EPM2A: variants seen among roughly 807,000 people sequenced by gnomAD.
EPM2A encodes the protein EPM2A glucan phosphatase, laforin.
A neutral mutation model predicts 26.5 loss-of-function variants in EPM2A; 21 were observed. That is an observed-to-expected ratio of 0.79 (90% CI 0.56 to 1.14). EPM2A has a LOEUF of 1.14. EPM2A is among the 50% of genes most tolerant of loss of function. The probability of loss-of-function intolerance (pLI) is 0.00; values close to 1 mark genes in which losing one functional copy is unlikely to be tolerated. For missense variants in EPM2A, 458 were observed against 440.8 expected, an observed-to-expected ratio of 1.04 and a Z score of -0.35; for synonymous variants, 217 against 177.6, an observed-to-expected ratio of 1.22 and a Z score of -1.76.
intron 2 of EPM2A, among the ~76,000 whole-genome samples, chr6:145,521,410 A>G (rs570026862): frequency 6.6e-6 from 1 of 152,356 alleles, no homozygotes; most frequent in African/African-American, 2.4e-5. Flanking sequence ...TGAAAGTCCA[A>G]ATTGAAATCC....
rs570102949 is a variant in EPM2A, at chr6:145,443,119, C to T, written c.556-59022G>A. Among the ~76,000 whole-genome samples, 7 of 152,266 alleles carry T rather than the reference C, an allele frequency of 4.6e-5. No individual in the cohort carries two copies. In the South Asian group the frequency reaches 8.3e-4, roughly 18 times the overall value. ...ATCTCCTGACCTTGTGATCCACCTG[C>T]CTCGGCCTCCCAAAGTGCTGTAATT... On this transcript the variant is annotated intron_variant, in intron 4 of 4. Transcript: ENST00000638717.
At chr6:145,683,499 G>A (rs1780704488) in intron 2 of EPM2A, among the ~76,000 whole-genome samples, 1 of 151,818 alleles carries the variant, frequency 6.6e-6, no homozygotes, top group East Asian at 1.9e-4. Context: ...ATAGAGACTT[G>A]GATGTAAAAC....
chr6:145,683,313 G>GTGTGTGTGTGTGTGTA (rs1178628366), intron 2 of EPM2A, among the ~76,000 whole-genome samples: 181 of 147,412 alleles, frequency 1.2e-3, no homozygotes, highest in South Asian at 1.9e-3. Flanking sequence ...GTGTGAGTGT[G>GTGTGTGTGTGTGTGTA]TATATATTAG....
At chr6:145,388,430 T>C (rs1266360862) in intron 4 of EPM2A, among the ~76,000 whole-genome samples, 2 of 152,212 alleles carry the variant, frequency 1.3e-5, no homozygotes, top group African/African-American at 2.4e-5. Context: ...CATCTTTGCA[T>C]TGGTTGTTCT....
chr6:145,686,384 A>C, intron 1 of EPM2A, 88 bp from the exon 2 acceptor site: 1 of 1,038,212 alleles, frequency 9.6e-7, no homozygotes, highest in East Asian at 2.5e-5. Context: ...ATTAATAGCA[A>C]GAAAAAAATA....
At chr6:145,488,828 C>T (rs568914217) in intron 4 of EPM2A, among the ~76,000 whole-genome samples, 31 of 152,208 alleles carry the variant, frequency 2.0e-4, no homozygotes, top group African/African-American at 7.2e-4. Flanking sequence ...AAGTTTACCA[C>T]AGAGGTAAAT....
intron 4 of EPM2A, among the ~76,000 whole-genome samples, chr6:145,437,443 A>G (rs988108763): frequency 5.9e-5 from 9 of 152,204 alleles, no homozygotes. Flanking sequence ...TTCCCCAAAT[A>G]GTAAAATAAA....
At chr6:145,641,132 T>C (rs1489925165) in intron 2 of EPM2A, 1 of 152,214 alleles carries the variant, frequency 6.6e-6, no homozygotes, top group Non-Finnish European at 1.5e-5. Context: ...TTCCATATTA[T>C]GAAATGCCAT....
At chr6:145,569,394 A>G (rs1292571890) in intron 2 of EPM2A, among the ~76,000 whole-genome samples, 2 of 152,218 alleles carry the variant, frequency 1.3e-5, no homozygotes, top group Non-Finnish European at 2.9e-5. Flanking sequence ...CCATGGCAGA[A>G]TCAGGCATCG....
At chr6:145,523,374 T>C (rs1780229345) in intron 2 of EPM2A, among the ~76,000 whole-genome samples, 1 of 152,236 alleles carries the variant, frequency 6.6e-6, no homozygotes, top group Non-Finnish European at 1.5e-5. Flanking sequence ...AAGGTTTGTT[T>C]CAACCCTGCA....
At chr6:145,686,008 C>CTA in intron 2 of EPM2A, 114 bp downstream of exon 2, 1 of 900,086 alleles carries the variant, frequency 1.1e-6, no homozygotes, top group Non-Finnish European at 1.8e-6. Context: ...TACTACAGGC[C>CTA]TATAGACCCC....
intron 4 of EPM2A, among the ~76,000 whole-genome samples, chr6:145,463,762 C>A (rs1473210508): frequency 2.0e-5 from 3 of 152,070 alleles, no homozygotes; most frequent in African/African-American, 7.2e-5. Context: ...CTAGAAAAGA[C>A]ATCTAGAGGT....
chr6:145,462,757 G>C (rs1174539400), intron 4 of EPM2A, among the ~76,000 whole-genome samples: 1 of 152,080 alleles, frequency 6.6e-6, no homozygotes, highest in Non-Finnish European at 1.5e-5. Flanking sequence ...CCCAGTGCAA[G>C]AGTTTTCTGG....
chr6:145,686,173 G>A lies in EPM2A; in HGVS notation c.425C>T (p.Thr142Ile). The part of the protein sequence containing the change: ...ATGHTNEMKH[T>I]TDFYFNIAGH... ...TGCAATATTAAAATAGAAGTCTGTT[G>A]TGTGCTTCATTTCATTGGTGTGCCC... Residue 142 changes from threonine to isoleucine, a missense_variant, in exon 2 of 4, where the codon ACA (threonine) becomes ATA (isoleucine). Transcript: ENST00000367519. The A allele has an allele frequency of 3.1e-6, 5 of 1,613,970 alleles. No individual in the cohort carries two copies. The highest frequency in any genetic ancestry group is 3.4e-6 in the Non-Finnish European group (4 of 1,179,926).
At chr6:145,454,855 C>T (rs776824859) in intron 4 of EPM2A, among the ~76,000 whole-genome samples, 8 of 152,036 alleles carry the variant, frequency 5.3e-5, no homozygotes, top group African/African-American at 7.2e-5. Flanking sequence ...CACATTGCAA[C>T]GGATTGGTAT....
intron 4 of EPM2A, among the ~76,000 whole-genome samples, chr6:145,405,316 C>A (rs1778551793): frequency 6.6e-6 from 1 of 152,108 alleles, no homozygotes; most frequent in African/African-American, 2.4e-5. Context: ...GTTCTGATGA[C>A]AACTAGTCTT....
chr6:145,484,360 T>G (rs1358075500), intron 4 of EPM2A, among the ~76,000 whole-genome samples: 2 of 152,100 alleles, frequency 1.3e-5, no homozygotes, highest in Non-Finnish European at 2.9e-5. Context: ...TTTTATGAGC[T>G]TTAGTCCCCA....
chr6:145,467,572 C>T (rs1228471901), intron 4 of EPM2A, among the ~76,000 whole-genome samples: 1 of 152,008 alleles, frequency 6.6e-6, no homozygotes, highest in Non-Finnish European at 1.5e-5. Context: ...ATAGTCTTGG[C>T]TATTATTACA....
intron 2 of EPM2A, among the ~76,000 whole-genome samples, chr6:145,516,429 A>G (rs957563561): frequency 2.0e-5 from 3 of 152,166 alleles, no homozygotes; most frequent in Non-Finnish European, 2.9e-5. Flanking sequence ...GTCAATGCCT[A>G]GTGATTAAAT....
Sources: allele counts gnomAD v4.1 joint callset (sites outside exome capture counted in the v4.1 genomes callset), GRCh38; gene constraint gnomAD v4.1.1; transcripts MANE v1.5; gene names NCBI Gene and HGNC (gene_info 2026-07-23, HGNC 2026-07-21).